Variants in TASP1 observed in about 807,000 individuals in gnomAD.
TASP1 encodes threonine aspartase 1.
A neutral mutation model predicts 56.6 loss-of-function variants in TASP1; 16 were observed. The observed-to-expected ratio is 0.28, with a 90% CI of 0.19 to 0.43. TASP1 has a LOEUF of 0.43. Ranked by LOEUF, TASP1 falls within the 20% of genes least tolerant of loss-of-function variation. The pLI is 1.00. For synonymous variants in TASP1, 179 were observed against 184.2 expected (o/e 0.97, Z 0.23); for missense variants, 393 against 511.6 (o/e 0.77, Z 2.24).
chr20:13,389,206 G>A (rs1440874688), downstream of TASP1, among the ~76,000 whole-genome samples: 1 of 152,116 alleles, frequency 6.6e-6, no homozygotes, highest in Non-Finnish European at 1.5e-5. Context: ...TTATCAAATT[G>A]CAAGAGAAAT....
At chr20:13,375,411 A>G in the TASP1 span, among the ~76,000 whole-genome samples, 8 of 152,036 alleles carry the variant, frequency 5.3e-5, no homozygotes, top group African/African-American at 1.9e-4. Context: ...AAGGATATAA[A>G]CTCATTCTTT....
At chr20:13,235,800 G>C in the TASP1 span, among the ~76,000 whole-genome samples, 3 of 152,160 alleles carry the variant, frequency 2.0e-5, no homozygotes, top group African/African-American at 7.2e-5. Flanking sequence ...GACAATATAA[G>C]CCTGCGACCA....
chr20:13,602,229 A>G (rs1297289151), intron 4 of TASP1, among the ~76,000 whole-genome samples: 2 of 152,092 alleles, frequency 1.3e-5, no homozygotes, highest in African/African-American at 4.8e-5. Flanking sequence ...AATCTCAATT[A>G]AAGGAAACTC....
the TASP1 span, among the ~76,000 whole-genome samples, chr20:13,380,669 C>T: frequency 3.9e-3 from 590 of 152,250 alleles, 5 homozygotes; most frequent in African/African-American, 0.014. Context: ...CCTGAAGCTG[C>T]GCCCACAGCT....
At chr20:13,288,529 C>G in the TASP1 span, 4 of 1,612,638 alleles carry the variant, frequency 2.5e-6, no homozygotes, top group Non-Finnish European at 2.5e-6. Flanking sequence ...ATCTCCCTGG[C>G]TGTCTTCCAG....
the TASP1 span, among the ~76,000 whole-genome samples, chr20:13,146,677 T>C: frequency 1.2e-4 from 19 of 152,344 alleles, no homozygotes; most frequent in African/African-American, 3.4e-4. Context: ...ATATCTGCCT[T>C]GCCTCCTGTT....
At chr20:13,569,634 T>G (rs2046648241) in intron 6 of TASP1, 48 bp from the exon 7 acceptor site, 2 of 1,488,044 alleles carry the variant, frequency 1.3e-6, no homozygotes, top group Non-Finnish European at 1.9e-6. Flanking sequence ...CATCTTCTCC[T>G]ACATATTCAA....
At chr20:13,415,229 A>C (rs2042216316) in intron 13 of TASP1, among the ~76,000 whole-genome samples, 1 of 152,184 alleles carries the variant, frequency 6.6e-6, no homozygotes, top group Admixed American at 6.5e-5. Context: ...CTTTTATAGA[A>C]GTCAGGAAAC....
chr20:13,317,650 C>CA, the TASP1 span, among the ~76,000 whole-genome samples: 1 of 152,072 alleles, frequency 6.6e-6, no homozygotes, highest in African/African-American at 2.4e-5. Context: ...CCAATAGAGT[C>CA]AGTTGACCTT....
intron 11 of TASP1, among the ~76,000 whole-genome samples, chr20:13,463,149 G>A (rs546067520): frequency 1.3e-5 from 2 of 152,162 alleles, no homozygotes; most frequent in South Asian, 4.1e-4. Context: ...AAAAGAGTAT[G>A]GTAATGGCAT....
At chr20:13,436,259 G>A (rs2042997250) in intron 11 of TASP1, among the ~76,000 whole-genome samples, 1 of 151,968 alleles carries the variant, frequency 6.6e-6, no homozygotes, top group South Asian at 2.1e-4. Flanking sequence ...ATGGTAGGTT[G>A]ACAGTGTCCA....
chr20:13,550,167 CACACACACACACACACACAG>C (rs2045934649), intron 8 of TASP1, among the ~76,000 whole-genome samples: 1 of 151,362 alleles, frequency 6.6e-6, no homozygotes, highest in Non-Finnish European at 1.5e-5. Flanking sequence ...CACACACACA[CACACACACACACACACACAG>C]AGACACTGCA....
intron 9 of TASP1, among the ~76,000 whole-genome samples, chr20:13,531,324 T>C (rs913033079): frequency 6.6e-6 from 1 of 151,468 alleles, no homozygotes; most frequent in African/African-American, 2.4e-5. Context: ...AAGTCCACAC[T>C]TAACCAGTAA....
the TASP1 span, among the ~76,000 whole-genome samples, chr20:13,359,591 T>G: frequency 6.6e-6 from 1 of 150,770 alleles, no homozygotes; most frequent in East Asian, 1.9e-4. Flanking sequence ...TTCCCTTGCC[T>G]CCATAACTGT....
At chr20:13,636,887 T>C (rs2049330909) in intron 1 of TASP1, among the ~76,000 whole-genome samples, 1 of 152,032 alleles carries the variant, frequency 6.6e-6, no homozygotes, top group Non-Finnish European at 1.5e-5. Context: ...ATCCTCCCTA[T>C]TGCACTTGAC....
chr20:13,241,863 T>C, the TASP1 span, among the ~76,000 whole-genome samples: 1 of 152,036 alleles, frequency 6.6e-6, no homozygotes, highest in Non-Finnish European at 1.5e-5. Context: ...CCTACAGAAG[T>C]TGGATCACTG....
At chr20:13,593,076 A>C (rs2047593547) in intron 4 of TASP1, among the ~76,000 whole-genome samples, 1 of 152,206 alleles carries the variant, frequency 6.6e-6, no homozygotes, top group African/African-American at 2.4e-5. Context: ...TCCTAAAAAT[A>C]ATTCAGTATC....
chr20:13,414,242 G>A (rs1293276796), intron 13 of TASP1, among the ~76,000 whole-genome samples: 1 of 152,078 alleles, frequency 6.6e-6, no homozygotes, highest in Non-Finnish European at 1.5e-5. Flanking sequence ...AAATGTGTCT[G>A]ATGTTTCTTC....
chr20:13,204,231 T>C, the TASP1 span, among the ~76,000 whole-genome samples: 1 of 152,324 alleles, frequency 6.6e-6, no homozygotes, highest in Non-Finnish European at 1.5e-5. Flanking sequence ...TGCAACAGAA[T>C]TCCCTACCTT....
Sources: allele counts gnomAD v4.1 joint callset (sites outside exome capture counted in the v4.1 genomes callset), GRCh38; gene constraint gnomAD v4.1.1; transcripts MANE v1.5; gene names NCBI Gene and HGNC (gene_info 2026-07-23, HGNC 2026-07-21).